The following RABGAP1L variants were observed in gnomAD, a reference collection of about 807,000 sequenced individuals.
RABGAP1L encodes rab GTPase-activating protein 1-like.
Under a neutral mutation model 137.7 loss-of-function variants are expected in RABGAP1L, and 63 were observed. That is an observed-to-expected ratio of 0.46 (90% CI 0.37 to 0.56). RABGAP1L has a LOEUF of 0.56. Among genes scored for constraint, RABGAP1L ranks in the 20% least tolerant of loss-of-function variants. RABGAP1L has a pLI of 0.00. For synonymous variants in RABGAP1L, 431 were observed against 433.7 expected, an observed-to-expected ratio of 0.99 and a Z score of 0.08; for missense variants, 1,095 against 1,244.0, an observed-to-expected ratio of 0.88 and a Z score of 1.80.
At chr1:174,704,703 G>T (rs1407621220) in intron 17 of RABGAP1L, among the ~76,000 whole-genome samples, 2 of 152,156 alleles carry the variant, frequency 1.3e-5, no homozygotes, top group Non-Finnish European at 1.5e-5. Flanking sequence ...CTTAAAGGAA[G>T]AATTCAGAAT....
At chr1:174,439,091 T>A (rs1653827252) in intron 13 of RABGAP1L, among the ~76,000 whole-genome samples, 2 of 151,954 alleles carry the variant, frequency 1.3e-5, no homozygotes, top group African/African-American at 4.8e-5. Context: ...GGACCTCTAG[T>A]ACAATGTGTA....
intron 13 of RABGAP1L, among the ~76,000 whole-genome samples, chr1:174,501,589 T>G: frequency 6.6e-6 from 1 of 152,204 alleles, no homozygotes; most frequent in East Asian, 1.9e-4. Context: ...TGAGAAGATT[T>G]AGTTGTTCAG....
intron 18 of RABGAP1L, among the ~76,000 whole-genome samples, chr1:174,797,708 G>GGTGTGGT (rs1197914022): frequency 1.4e-5 from 2 of 145,854 alleles, no homozygotes; most frequent in African/African-American, 5.1e-5. Context: ...GTGTGTGTGG[G>GGTGTGGT]GTGTGGTGTG....
chr1:174,452,806 C>T (rs1655591028), intron 13 of RABGAP1L, among the ~76,000 whole-genome samples: 1 of 152,062 alleles, frequency 6.6e-6, no homozygotes, highest in African/African-American at 2.4e-5. Flanking sequence ...CGTGATCTGC[C>T]TGCCTTGGCC....
chr1:174,624,542 A>G (rs1672798390), intron 13 of RABGAP1L, among the ~76,000 whole-genome samples: 1 of 152,214 alleles, frequency 6.6e-6, no homozygotes, highest in African/African-American at 2.4e-5. Flanking sequence ...ACTTGCAAGT[A>G]GGAGTATATT....
intron 11 of RABGAP1L, among the ~76,000 whole-genome samples, chr1:174,309,662 T>G (rs1454161962): frequency 1.3e-5 from 2 of 152,142 alleles, no homozygotes; most frequent in African/African-American, 4.8e-5. Context: ...CATTTACAGA[T>G]TTGCATATGT....
At chr1:174,859,482 C>CAAAAAAAAAA (rs35464065) in intron 19 of RABGAP1L, among the ~76,000 whole-genome samples, 17 of 133,712 alleles carry the variant, frequency 1.3e-4, no homozygotes, top group Middle Eastern at 4.5e-3. Context: ...GACTCCATCT[C>CAAAAAAAAAA]AAAAAAAAAG....
chr1:174,392,067 A>G (rs1287098957), intron 12 of RABGAP1L, among the ~76,000 whole-genome samples: 4 of 152,188 alleles, frequency 2.6e-5, no homozygotes, highest in African/African-American at 9.6e-5. Context: ...CTCTTCCTCT[A>G]CTTGACATAT....
At chr1:174,750,390 TGGTCCCAGCTTAGTCAGTTGGAG>T (rs1684253858) in intron 17 of RABGAP1L, among the ~76,000 whole-genome samples, 1 of 152,144 alleles carries the variant, frequency 6.6e-6, no homozygotes, top group Non-Finnish European at 1.5e-5. Context: ...TGGGTCCCTT[TGGTCCCAGCTTAGTCAGTTGGAG>T]GGCTTAGAAT....
intron 13 of RABGAP1L, among the ~76,000 whole-genome samples, chr1:174,559,801 C>T (rs371742025): frequency 1.3e-5 from 2 of 152,324 alleles, no homozygotes; most frequent in East Asian, 3.9e-4. Flanking sequence ...CTACCAGTGG[C>T]CCTGGCACTG....
intron 13 of RABGAP1L, among the ~76,000 whole-genome samples, chr1:174,576,824 T>C (rs888406133): frequency 6.6e-6 from 1 of 152,120 alleles, no homozygotes; most frequent in African/African-American, 2.4e-5. Flanking sequence ...CATGGATCTG[T>C]AAAGGTTATG....
rs148427280 is a variant in RABGAP1L, at chr1:174,749,300, A to G, written c.2170-3013A>G. 1.3e-3 allele frequency among the ~76,000 whole-genome samples: 202 copies of G among 151,538 alleles called. 1 individual carries two copies. Among genetic ancestry groups the G allele is most frequent in the African/African-American group, 4.6e-3 (190 of 41,306 alleles). On this transcript the variant is annotated intron_variant, in intron 17 of 25. Coordinates refer to ENST00000681986, the MANE Select transcript of RABGAP1L (RefSeq NM_001366446.1). ...GGTCATAGGTGGATTCAAAAATGTT[A>G]TCTTTTTTTTTTTCTGTTCTTTTCT...
chr1:174,965,047 C>A, intron 20 of RABGAP1L: 1 of 1,219,596 alleles, frequency 8.2e-7, no homozygotes, highest in Non-Finnish European at 1.1e-6. Context: ...TTGAAAAATG[C>A]AGTATCCTCC....
In RABGAP1L at chr1:174,327,744, C is replaced by T. The variant is rs369535559; in HGVS notation, c.1465+22617C>T. Among the ~76,000 whole-genome samples the T allele has an allele frequency of 1.4e-4, 21 of 151,132 alleles. No individual in the cohort carries two copies. The South Asian group carries it at 4.4e-3, about 32-fold the overall frequency. On this transcript the variant is annotated intron_variant, in intron 11 of 25. Transcript: ENST00000681986. ...AATAAGACCTAACTATATGCTGCCC[C>T]CAAGAGACTCACTTCACCCTTAAGA... is the stretch of plus-strand genomic sequence containing the variant.
rs1051902948 is a variant in RABGAP1L, at chr1:174,956,604, G to A, written c.2341-853G>A. On this transcript the variant is annotated intron_variant, in intron 19 of 25. Coordinates refer to ENST00000681986, the MANE Select transcript of RABGAP1L (RefSeq NM_001366446.1). The stretch of plus-strand genomic sequence containing the variant: ...ATTGTCAAACACTAAAACCTCCTTT[G>A]TTTTCAGTGTACTAACTCCATTTTA... Among the ~76,000 whole-genome samples, 10 of 147,984 alleles carry A rather than the reference G, an allele frequency of 6.8e-5. No individual in the cohort carries two copies. In the East Asian group the frequency reaches 2.0e-3, roughly 29 times the overall value.
intron 12 of RABGAP1L, among the ~76,000 whole-genome samples, chr1:174,389,501 G>C (rs1687056274): frequency 6.6e-6 from 1 of 151,780 alleles, no homozygotes; most frequent in Non-Finnish European, 1.5e-5. Context: ...TCTCCCAATA[G>C]ACATCTTTAA....
At chr1:174,511,541 T>C (rs907974171) in intron 13 of RABGAP1L, among the ~76,000 whole-genome samples, 4 of 152,154 alleles carry the variant, frequency 2.6e-5, no homozygotes, top group African/African-American at 7.2e-5. Flanking sequence ...GCATGCTTCT[T>C]TCATTTGATT....
chr1:174,313,684 C>T, intron 11 of RABGAP1L, among the ~76,000 whole-genome samples: 1 of 151,880 alleles, frequency 6.6e-6, no homozygotes, highest in South Asian at 2.1e-4. Context: ...GAGGTATGTT[C>T]CTTCTATCTC....
chr1:174,588,864 G>C (rs12085652), intron 13 of RABGAP1L, among the ~76,000 whole-genome samples: 55,880 of 151,912 alleles, frequency 0.37, 13,550 homozygotes, highest in African/African-American at 0.69. Flanking sequence ...TGAACACTTA[G>C]GTTGCCTCCA....
Sources: gnomAD v4.1 joint callset for allele counts (sites outside exome capture counted in the v4.1 genomes callset) on GRCh38, gnomAD v4.1.1 for gene constraint, MANE v1.5 for transcripts, NCBI Gene and HGNC (gene_info 2026-07-23, HGNC 2026-07-21) for gene names.